Variants in SPNS3 observed in about 807,000 individuals in gnomAD.
SPNS3 encodes the protein protein spinster homolog 3.
A neutral mutation model predicts 54.4 loss-of-function variants in SPNS3; 51 were observed. The observed-to-expected ratio is 0.94, with a 90% confidence interval of 0.75 to 1.18. The LOEUF is 1.18. Among genes scored for constraint, SPNS3 ranks in the 50% most tolerant of loss-of-function variants. SPNS3 has a pLI of 0.00. For synonymous variants in SPNS3, 309 were observed against 294.7 expected, an observed-to-expected ratio of 1.05 and a Z score of -0.50; for missense variants, 669 against 677.4, an observed-to-expected ratio of 0.99 and a Z score of 0.14.
intron 8 of SPNS3, among the ~76,000 whole-genome samples, chr17:4,476,895 C>T (rs567116546): frequency 1.3e-4 from 20 of 152,334 alleles, no homozygotes; most frequent in African/African-American, 4.3e-4. Context: ...CTGTCCCGCC[C>T]GGCATGGTGG....
Position 4,445,046 on chromosome 17 carries a change from C to T in SPNS3, c.280C>T (p.Leu94=), listed in dbSNP as rs766253132. ...GLLQTVFVSC[L]LLSAPVFGYL... ...GTCTCCTTCAGTCTTCGTTAGCTGC[C>T]TGCTGCTGTCTGCACCTGTGTTTGG... is the stretch of plus-strand genomic sequence containing the variant. The change falls in exon 3 of 12, where the codon CTG becomes TTG. Residue 94 remains leucine, a synonymous_variant. Transcript: ENST00000355530. 7 of 1,613,972 alleles carry T rather than the reference C, an allele frequency of 4.3e-6. No homozygotes were observed. Among genetic ancestry groups the T allele is most frequent in the Non-Finnish European group, 5.9e-6 (7 of 1,179,898 alleles).
At chr17:4,456,963 C>A (rs1971332167) in intron 8 of SPNS3, among the ~76,000 whole-genome samples, 1 of 152,144 alleles carries the variant, frequency 6.6e-6, no homozygotes, top group Admixed American at 6.6e-5. Context: ...GATCTGCCTA[C>A]CTCGGCCTCC....
chr17:4,442,020 G>GTGTGTGTGTGTGTGTGTGTGTGTGTGT (rs1555528916), intron 2 of SPNS3, among the ~76,000 whole-genome samples: 1 of 150,666 alleles, frequency 6.6e-6, no homozygotes, highest in East Asian at 1.9e-4. Context: ...GTGTGTGTTT[G>GTGTGTGTGTGTGTGTGTGTGTGTGTGT]GCAGTAGGTG....
rs778280939 is a variant in SPNS3, at chr17:4,446,869, C to T, written c.555-27C>T. The T allele has an allele frequency of 5.6e-6, 9 of 1,611,202 alleles. No homozygotes were observed. The South Asian group carries it at 8.8e-5, about 16-fold the overall frequency. ...GCCTTCCGCCTCCCTCCCCTCACAG[C>T]CCATCGCCCCTGCCCCTTTGTTGCA... is the stretch of plus-strand genomic sequence containing the variant. On this transcript the variant is annotated intron_variant, in intron 4 of 11. Transcript: ENST00000355530.
intron 1 of SPNS3, among the ~76,000 whole-genome samples, chr17:4,439,246 C>T (rs1435790692): frequency 6.6e-6 from 1 of 152,030 alleles, no homozygotes; most frequent in Non-Finnish European, 1.5e-5. Context: ...GCCTCAGCCT[C>T]CCGAGTAGCT....
In SPNS3 at chr17:4,484,299, AT is replaced by A. The variant is rs576690478; in HGVS notation, c.1180-1928del. ...ATAAAATGTATACAGCAAGCATTCAATAAATGTTGGCAATTATTATTATTTT... is the reference window on the plus strand; with the variant it reads ...ATAAAATGTATACAGCAAGCATTCAAAAATGTTGGCAATTATTATTATTTT... On this transcript the variant is annotated intron_variant, in intron 9 of 11. Transcript: ENST00000355530. 9.5e-4 allele frequency among the ~76,000 whole-genome samples: 144 copies of A among 152,328 alleles called. 1 individual carries two copies. The highest frequency in any genetic ancestry group is 2.6e-3 in the African/African-American group (108 of 41,560).
intron 8 of SPNS3, among the ~76,000 whole-genome samples, chr17:4,458,943 A>G (rs150930701): frequency 7.9e-5 from 12 of 152,078 alleles, no homozygotes; most frequent in African/African-American, 2.2e-4. Context: ...AACTTCTCCA[A>G]TAACCTTAGG....
intron 1 of SPNS3, 89 bp from the exon 2 acceptor site, chr17:4,439,569 C>G (rs940403023): frequency 3.3e-6 from 4 of 1,206,160 alleles, no homozygotes; most frequent in Non-Finnish European, 4.8e-6. Flanking sequence ...TGCTGGTCAG[C>G]TGTGGCCCTG....
chr17:4,474,958 A>G (rs985834212), intron 8 of SPNS3, among the ~76,000 whole-genome samples: 6 of 151,736 alleles, frequency 4.0e-5, no homozygotes, highest in African/African-American at 1.5e-4. Context: ...GTGTGGGTCC[A>G]TGTGTGTGAG....
chr17:4,453,789 C>T (rs1971233567), intron 8 of SPNS3, among the ~76,000 whole-genome samples: 1 of 152,112 alleles, frequency 6.6e-6, no homozygotes, highest in Non-Finnish European at 1.5e-5. Context: ...ATTGTGGGCC[C>T]AAGAAGAAAT....
At chr17:4,471,615 A>C (rs1971855997) in intron 8 of SPNS3, among the ~76,000 whole-genome samples, 1 of 151,376 alleles carries the variant, frequency 6.6e-6, no homozygotes, top group African/African-American at 2.4e-5. Flanking sequence ...ACAGGCATGC[A>C]CCACCACACC....
chr17:4,450,278 C>T (rs186639947), intron 7 of SPNS3, among the ~76,000 whole-genome samples: 138 of 151,308 alleles, frequency 9.1e-4, no homozygotes, highest in African/African-American at 3.1e-3. Flanking sequence ...TTTCTCTCTT[C>T]TCCTCTCTTC....
intron 1 of SPNS3, among the ~76,000 whole-genome samples, chr17:4,435,123 A>G (rs933295956): frequency 2.0e-5 from 3 of 152,012 alleles, no homozygotes; most frequent in Non-Finnish European, 2.9e-5. Flanking sequence ...TCTATTTAAA[A>G]AATTAAAAAT....
chr17:4,465,158 G>T (rs948435575), intron 8 of SPNS3, among the ~76,000 whole-genome samples: 4 of 152,148 alleles, frequency 2.6e-5, no homozygotes, highest in South Asian at 2.1e-4. Context: ...GATCATCAAA[G>T]GGGTGGGGCC....
At position 4,478,963 on chromosome 17, in the gene SPNS3, A is replaced by G. The variant is rs1385795255; in HGVS notation, c.1179+326A>G. Among the ~76,000 whole-genome samples, 5 of 152,122 alleles carry G rather than the reference A, an allele frequency of 3.3e-5. No homozygotes were observed. The South Asian group carries it at 8.3e-4, about 25-fold the overall frequency. ...TTCCCTCCCTCTTTTCTTTTTTGAG[A>G]CAGAGTTTCACTCTTGTTGCCCAGG... On this transcript the variant is annotated intron_variant, in intron 9 of 11. Coordinates refer to ENST00000355530, the MANE Select transcript of SPNS3 (RefSeq NM_182538.5).
At chr17:4,467,917 C>A (rs1348551650) in intron 8 of SPNS3, among the ~76,000 whole-genome samples, 1 of 152,188 alleles carries the variant, frequency 6.6e-6, no homozygotes, top group South Asian at 2.1e-4. Context: ...GTGGTCCACT[C>A]GCCTCGGCCT....
rs149158228 is a variant in SPNS3, at chr17:4,446,131, C to T, written c.486C>T (p.Gly162=). The T allele has an allele frequency of 9.6e-5, 155 of 1,613,722 alleles. 1 individual carries two copies. The East Asian group carries it at 1.9e-3, about 20-fold the overall frequency. Residue 162 remains glycine (G), a synonymous_variant, in exon 4 of 12, where the codon GGC becomes GGT. Transcript: ENST00000355530. ...SYSTIAPTVL[G]DLFVRDQRTR... ...CCACCATCGCGCCCACCGTCCTGGGCGACCTCTTCGTGAGGGACCAGCGCA... is the reference window on the plus strand; with the variant it reads ...CCACCATCGCGCCCACCGTCCTGGGTGACCTCTTCGTGAGGGACCAGCGCA...
chr17:4,484,247 C>T lies in SPNS3; in HGVS notation c.1180-1981C>T, dbSNP rs563920278. Among the ~76,000 whole-genome samples the T allele has an allele frequency of 1.2e-3, 187 of 152,300 alleles. 4 individuals carry two copies. In the South Asian group the frequency reaches 0.036, roughly 29 times the overall value. On this transcript the variant is annotated intron_variant, in intron 9 of 11. Transcript: ENST00000355530. ...TAAAAATGCAGGTGATCATCATCTC[C>T]CTCTCATGGGTTGTTCAAGTTGATA... is the stretch of plus-strand genomic sequence containing the variant.
chr17:4,477,795 G>A lies in SPNS3; in HGVS notation c.1114-777G>A, dbSNP rs536811289. On this transcript the variant is annotated intron_variant, in intron 8 of 11. Coordinates refer to ENST00000355530, the MANE Select transcript of SPNS3 (RefSeq NM_182538.5). ...ACCTCCCTGTGCTGCTCCAAGGGAAGGGGATGGCCCGGAGGGTCCTTTGGT... is the reference window on the plus strand; with the variant it reads ...ACCTCCCTGTGCTGCTCCAAGGGAAAGGGATGGCCCGGAGGGTCCTTTGGT... Among the ~76,000 whole-genome samples, 221 of 152,226 alleles carry A rather than the reference G, an allele frequency of 1.5e-3. 4 individuals are homozygous for A. The highest frequency in any genetic ancestry group is 5.1e-3 in the African/African-American group (212 of 41,540).
Sources: allele counts gnomAD v4.1 joint callset (sites outside exome capture counted in the v4.1 genomes callset), GRCh38; gene constraint gnomAD v4.1.1; transcripts MANE v1.5; gene names NCBI Gene and HGNC (gene_info 2026-07-23, HGNC 2026-07-21).